Variants in DNMT3A observed in about 807,000 individuals in gnomAD.
DNMT3A encodes DNA (cytosine-5)-methyltransferase 3A.
DNMT3A carries 267 observed loss-of-function variants against 117.6 expected under a neutral mutation model. The ratio of observed to expected loss-of-function variants is 2.27; its 90% CI spans 2.05 to 2.51. The LOEUF (loss-of-function observed/expected upper bound fraction) is 2.51, where lower values mean the gene tolerates loss of function less well. Ranked by LOEUF, DNMT3A falls within the 30% of genes most tolerant of loss-of-function variation. DNMT3A has a pLI of 0.00. For synonymous variants in DNMT3A, 432 were observed against 474.8 expected (o/e 0.91, Z 1.17); for missense variants, 1,029 against 1,260.2 (o/e 0.82, Z 2.78).
In DNMT3A at chr2:25,236,800, C is replaced by T. The variant is rs1456057567; in HGVS notation, c.2478+136G>A. The T allele has an allele frequency of 4.3e-6, 4 of 932,892 alleles. No individual in the cohort carries two copies. In the African/African-American group the frequency reaches 5.0e-5, roughly 12 times the overall value. 57.8% of individuals were successfully genotyped at this position (932,892 alleles called of 1,614,324 possible). ...TCCTCTGGCTGCCCTGCTGCATGAC[C>T]CTGCACCGTCTCCTAAATTGCATTC... On this transcript the variant is annotated intron_variant, in intron 21 of 22. Transcript: ENST00000321117. The surrounding 1 kb of genome is among the most constrained non-coding windows in gnomAD (Gnocchi z 4.5).
In DNMT3A at chr2:25,300,707, A is replaced by AAT. The variant is rs1477973461; in HGVS notation, c.73-466_73-465dup. Among the ~76,000 whole-genome samples the AAT allele has an allele frequency of 1.1e-3, 62 of 57,858 alleles. 4 individuals are homozygous for AAT. The highest frequency in any genetic ancestry group is 2.4e-3 in the South Asian group (5 of 2,088). The allele number at this position is 57,858 out of a possible 152,430, so 38.0% of individuals were successfully genotyped here. ...TAGATATATATTTATATATCTAAAT[A>AAT]ATATAATATATATATATATATATAT... On this transcript the variant is annotated intron_variant, in intron 2 of 22. Transcript: ENST00000321117.
chr2:25,270,710 C>T (rs956584351), intron 6 of DNMT3A, among the ~76,000 whole-genome samples: 1 of 151,806 alleles, frequency 6.6e-6, no homozygotes, highest in Non-Finnish European at 1.5e-5. Flanking sequence ...CAGAGGTTGC[C>T]GCTTGAGATC....
chr2:25,300,151 G>A lies in DNMT3A; in HGVS notation c.165C>T (p.Arg55=). ...ATGTGACACTCACCGGGGGGTGCTT[G>A]CGCTTCCTCCCAGGCCGCCCCACCT... ...ARKVGRPGRK[R]KHPPVESGDT... is the part of the protein sequence containing the mutation. The change falls in exon 3 of 23, where the codon CGC becomes CGT. Residue 55 remains arginine (R), a synonymous_variant. Transcript: ENST00000321117. 4 of 1,613,482 alleles carry A rather than the reference G, an allele frequency of 2.5e-6. No individual in the cohort carries two copies. The highest frequency in any genetic ancestry group is 3.4e-6 in the Non-Finnish European group (4 of 1,179,914).
chr2:25,291,524 C>A (rs1417662329), intron 3 of DNMT3A, among the ~76,000 whole-genome samples: 1 of 152,252 alleles, frequency 6.6e-6, no homozygotes, highest in Non-Finnish European at 1.5e-5. Context: ...ACCCTGACTC[C>A]TCCAATTTCC....
chr2:25,268,900 C>T (rs1271767995), intron 6 of DNMT3A, among the ~76,000 whole-genome samples: 1 of 152,266 alleles, frequency 6.6e-6, no homozygotes, highest in Non-Finnish European at 1.5e-5. Context: ...CTTAGCCAGC[C>T]AGCAGGTATT....
In DNMT3A at chr2:25,263,827, G is replaced by C. The variant is rs531401272; in HGVS notation, c.639+11114C>G. On this transcript the variant is annotated intron_variant, in intron 6 of 22. Coordinates refer to ENST00000321117, the MANE Select transcript of DNMT3A (RefSeq NM_022552.5). ...TGTCCCTGCCAAGCAGTCCTGTTCA[G>C]GTCAATGGCGGTACACTGCCTCTCC... is the stretch of plus-strand genomic sequence containing the variant. 2.6e-5 allele frequency among the ~76,000 whole-genome samples: 4 copies of C among 152,328 alleles called. No individual in the cohort carries two copies. The East Asian group carries it at 7.7e-4, about 29-fold the overall frequency.
chr2:25,245,969 T>G (rs762961082), intron 12 of DNMT3A, 51 bp downstream of exon 12: 2 of 1,612,576 alleles, frequency 1.2e-6, no homozygotes, highest in Admixed American at 1.7e-5. Context: ...CCTCTGCTAC[T>G]CTGCCCCATG....
intron 2 of DNMT3A, 121 bp from the exon 3 acceptor site, chr2:25,300,364 C>A: frequency 8.6e-7 from 1 of 1,163,828 alleles, no homozygotes; most frequent in Non-Finnish European, 1.2e-6. Flanking sequence ...TCCCACGAGC[C>A]ACACTTCCAG....
At chr2:25,249,786 C>T in intron 6 of DNMT3A, 1 of 1,582,170 alleles carries the variant, frequency 6.3e-7, no homozygotes, top group East Asian at 2.2e-5. Context: ...TTTACTGAAT[C>T]TAGGAAACAC....
At chr2:25,258,592 A>G (rs1037884294) in intron 6 of DNMT3A, among the ~76,000 whole-genome samples, 1 of 152,218 alleles carries the variant, frequency 6.6e-6, no homozygotes, top group African/African-American at 2.4e-5. Flanking sequence ...CCCACCACAC[A>G]TGAAACCACA....
chr2:25,338,124 A>G (rs1039069718), intron 1 of DNMT3A, among the ~76,000 whole-genome samples: 2 of 152,212 alleles, frequency 1.3e-5, no homozygotes, highest in Non-Finnish European at 2.9e-5. Context: ...AGTTGGAGGC[A>G]GCAGGAAGTA....
chr2:25,240,302 C>A lies in DNMT3A; in HGVS notation c.2322G>T (p.Glu774Asp), dbSNP rs753017271. Reference sequence around the variant, plus strand: ...GCCAAACCAAGGTTGCTGGCTATACCTCGAGAAATCGCGAGATGTCCCTCT... The same window carrying A: ...GCCAAACCAAGGTTGCTGGCTATACATCGAGAAATCGCGAGATGTCCCTCT... ...SDKRDISRFL[E>D]SNPVMIDAKE... The change falls in exon 19 of 23, where the codon GAG becomes GAT. Residue 774 changes from glutamate to aspartate, a missense_variant and splice_region_variant. Coordinates refer to ENST00000321117, the MANE Select transcript of DNMT3A (RefSeq NM_022552.5). The A allele has an allele frequency of 1.2e-6, 2 of 1,614,044 alleles. No homozygotes were observed. Among genetic ancestry groups the A allele is most frequent in the South Asian group, 1.1e-5 (1 of 91,092 alleles).
At position 25,240,718 on chromosome 2, in the gene DNMT3A, C is replaced by T. The variant is rs763776241; in HGVS notation, c.2095G>A (p.Gly699Ser). 3.1e-6 allele frequency: 5 copies of T among 1,614,106 alleles called. No individual in the cohort carries two copies. The highest frequency in any genetic ancestry group is 2.7e-5 in the African/African-American group (2 of 75,012). Residue 699 changes from glycine to serine, a missense_variant, in exon 18 of 23, where the codon GGC (glycine) becomes AGC (serine). Gly to Ser is a moderately conservative substitution (Grantham distance 56). Coordinates refer to ENST00000321117, the MANE Select transcript of DNMT3A (RefSeq NM_022552.5). Reference sequence around the variant, plus strand: ...CCCCCAATCACCAGATCGAATGGGCCCCACTCCTGGATCTGGGAGGATAAA... The same window carrying T: ...CCCCCAATCACCAGATCGAATGGGCTCCACTCCTGGATCTGGGAGGATAAA... ...SVTQKHIQEW[G>S]PFDLVIGGSP...
At chr2:25,320,860 G>A (rs562363189) in intron 1 of DNMT3A, among the ~76,000 whole-genome samples, 13 of 152,132 alleles carry the variant, frequency 8.5e-5, no homozygotes, top group Admixed American at 3.9e-4. Context: ...GGCCGGGCGC[G>A]GTGGCTCACA....
chr2:25,247,833 G>A lies in DNMT3A; in HGVS notation c.856-84C>T, dbSNP rs1382057714. On this transcript the variant is annotated intron_variant, in intron 7 of 22. Transcript: ENST00000321117. This position sits in a 1 kb window ranked among gnomAD's most constrained non-coding sequence, Gnocchi z 5.6. ...TCCCCCCATGGCAACCCCAGCCCTG[G>A]GCATCTGGGGGGCAGGACAGCCAGG... 1.3e-6 allele frequency: 2 copies of A among 1,564,654 alleles called. No homozygotes were observed. Among genetic ancestry groups the A allele is most frequent in the African/African-American group, 1.4e-5 (1 of 73,156 alleles).
In DNMT3A at chr2:25,232,376, GC is replaced by G. The variant is rs1672916077; in HGVS notation, c.*1902del. The G allele has an allele frequency of 6.6e-6, 1 of 152,260 alleles. No homozygotes were observed. The highest frequency in any genetic ancestry group is 1.5e-5 in the Non-Finnish European group (1 of 68,056). 9.4% of individuals were successfully genotyped at this position (152,260 alleles called of 1,614,324 possible). On this transcript the variant is annotated 3_prime_UTR_variant, in exon 23 of 23. Coordinates refer to ENST00000321117, the MANE Select transcript of DNMT3A (RefSeq NM_022552.5). The surrounding 1 kb of genome is among the most constrained non-coding windows in gnomAD (Gnocchi z 4.1). ...TCCTACTACTGACGCCAGGCCGCCT[GC>G]CTTGTAGGAAGTAGAACAAAGTGTT...
intron 4 of DNMT3A, among the ~76,000 whole-genome samples, chr2:25,278,019 ACACACACACACACACAC>A (rs1361758621): frequency 1.2e-5 from 1 of 81,818 alleles, no homozygotes; most frequent in Non-Finnish European, 2.8e-5. Flanking sequence ...ACACACACAC[ACACACACACACACACAC>A]ACAGACACAC....
chr2:25,250,117 A>G (rs1259157531), intron 6 of DNMT3A, among the ~76,000 whole-genome samples: 1 of 152,196 alleles, frequency 6.6e-6, no homozygotes, highest in Non-Finnish European at 1.5e-5. Context: ...GACCTGTTTA[A>G]AAATCTGGTG....
At position 25,240,418 on chromosome 2, in the gene DNMT3A, GGTA is replaced by G; in HGVS notation, c.2203_2205del (p.Tyr735del). ...TTGGGCCGCGCATCATGCAGGAGGC[GGTA>G]GAACTCAAAGAAGAGCCGGCCAGTG... On this transcript the variant is annotated inframe_deletion, in exon 19 of 23. Coordinates refer to ENST00000321117, the MANE Select transcript of DNMT3A (RefSeq NM_022552.5). 1 of 1,612,472 alleles carries G rather than the reference GGTA, an allele frequency of 6.2e-7. No individual in the cohort carries two copies. The highest frequency in any genetic ancestry group is 8.5e-7 in the Non-Finnish European group (1 of 1,179,226).
Sources: allele counts gnomAD v4.1 joint callset (sites outside exome capture counted in the v4.1 genomes callset), GRCh38; gene constraint gnomAD v4.1.1; non-coding constraint Gnocchi (gnomAD v3.1); transcripts MANE v1.5; gene names NCBI Gene and HGNC (gene_info 2026-07-23, HGNC 2026-07-21).